Variants in CRPPA observed in about 807,000 individuals in gnomAD.
CRPPA encodes CDP-L-ribitol pyrophosphorylase A.
A neutral mutation model predicts 52.0 loss-of-function variants in CRPPA; 43 were observed. That is an observed-to-expected ratio of 0.83 (90% CI 0.65 to 1.07). CRPPA has a LOEUF of 1.07. CRPPA is among the 50% of genes least tolerant of loss of function. The pLI is 0.00. For missense variants in CRPPA, 629 were observed against 551.7 expected, an observed-to-expected ratio of 1.14 and a Z score of -1.40; for synonymous variants, 250 against 203.5, an observed-to-expected ratio of 1.23 and a Z score of -1.94.
chr7:16,286,987 T>C (rs1237857202), intron 5 of CRPPA, among the ~76,000 whole-genome samples: 1 of 152,180 alleles, frequency 6.6e-6, no homozygotes, highest in Non-Finnish European at 1.5e-5. Flanking sequence ...TAGCCAATAA[T>C]CATTTCAATA....
intron 9 of CRPPA, among the ~76,000 whole-genome samples, chr7:16,135,531 G>A (rs902248006): frequency 1.3e-5 from 2 of 152,090 alleles, no homozygotes; most frequent in African/African-American, 4.8e-5. Context: ...AACACTTAAA[G>A]AAGCAAACAG....
chr7:16,189,344 C>G (rs960932679), intron 9 of CRPPA, among the ~76,000 whole-genome samples: 1 of 152,138 alleles, frequency 6.6e-6, no homozygotes, highest in Non-Finnish European at 1.5e-5. Flanking sequence ...AACCCAATCT[C>G]ATTTGATATT....
chr7:16,383,529 C>G (rs1158981526), intron 2 of CRPPA, among the ~76,000 whole-genome samples: 1 of 152,214 alleles, frequency 6.6e-6, no homozygotes, highest in African/African-American at 2.4e-5. Flanking sequence ...TCAAAGCTGT[C>G]AGACAGGAAC....
chr7:16,207,456 T>A (rs926610012), intron 9 of CRPPA, among the ~76,000 whole-genome samples: 2 of 152,190 alleles, frequency 1.3e-5, no homozygotes, highest in African/African-American at 4.8e-5. Flanking sequence ...TCCAATGGAT[T>A]CCGTTAAACA....
At chr7:16,321,305 T>C (rs1785259851) in intron 3 of CRPPA, among the ~76,000 whole-genome samples, 2 of 152,122 alleles carry the variant, frequency 1.3e-5, no homozygotes, top group Non-Finnish European at 2.9e-5. Context: ...CTTTACCCTA[T>C]CATAACTTAT....
At chr7:16,244,968 TG>T (rs1438873352) in intron 8 of CRPPA, among the ~76,000 whole-genome samples, 2 of 152,124 alleles carry the variant, frequency 1.3e-5, no homozygotes, top group African/African-American at 4.8e-5. Flanking sequence ...AAAACCTACT[TG>T]TTTAGGGAAG....
intron 8 of CRPPA, chr7:16,216,583 C>T (rs914875309): frequency 3.8e-5 from 7 of 185,354 alleles, no homozygotes; most frequent in East Asian, 1.7e-4. Flanking sequence ...AGTGGGTGCG[C>T]GCACCGTGCG....
chr7:16,283,403 T>A (rs1784358492), intron 5 of CRPPA, among the ~76,000 whole-genome samples: 1 of 150,442 alleles, frequency 6.6e-6, no homozygotes. Flanking sequence ...TTTATCTACC[T>A]AGATTCACTA....
At chr7:16,403,596 A>G (rs1787883027) in intron 2 of CRPPA, among the ~76,000 whole-genome samples, 2 of 152,180 alleles carry the variant, frequency 1.3e-5, no homozygotes, top group Admixed American at 1.3e-4. Flanking sequence ...ATCTAAGACA[A>G]CAAAAGGCAA....
intron 3 of CRPPA, among the ~76,000 whole-genome samples, chr7:16,313,138 A>G (rs1785068909): frequency 6.6e-6 from 1 of 151,994 alleles, no homozygotes; most frequent in Non-Finnish European, 1.5e-5. Flanking sequence ...AAAACTATAG[A>G]GTTAGTATAA....
intron 9 of CRPPA, among the ~76,000 whole-genome samples, chr7:16,164,352 G>T (rs1180864582): frequency 6.6e-6 from 1 of 152,096 alleles, no homozygotes; most frequent in Non-Finnish European, 1.5e-5. Flanking sequence ...GCGTTTTTCA[G>T]CTCCATCAGG....
intron 6 of CRPPA, among the ~76,000 whole-genome samples, chr7:16,260,400 A>G (rs1038607596): frequency 1.3e-5 from 2 of 151,998 alleles, no homozygotes; most frequent in Admixed American, 1.3e-4. Flanking sequence ...GTTTCCTACT[A>G]TCAAGGTTCT....
At chr7:16,303,995 G>A (rs1024767319) in intron 4 of CRPPA, among the ~76,000 whole-genome samples, 9 of 152,096 alleles carry the variant, frequency 5.9e-5, no homozygotes, top group Non-Finnish European at 1.0e-4. Context: ...AATCTTGTAT[G>A]GCTTGAAGAT....
rs1781732104 is a variant in CRPPA, at chr7:16,196,304, TC to T, written c.1251+19761del. Reference sequence around the variant, plus strand: ...ACTAGCATATGACAGAGCTAGCAATTCCCACTTCATGTAGCTATCCTAAAGT... The same window carrying T: ...ACTAGCATATGACAGAGCTAGCAATTCCACTTCATGTAGCTATCCTAAAGT... On this transcript the variant is annotated intron_variant, in intron 9 of 9. Transcript: ENST00000407010. 2.6e-5 allele frequency among the ~76,000 whole-genome samples: 4 copies of T among 152,212 alleles called. No homozygotes were observed. The South Asian group carries it at 8.3e-4, about 32-fold the overall frequency.
intron 2 of CRPPA, among the ~76,000 whole-genome samples, chr7:16,388,884 A>G (rs966535111): frequency 1.3e-5 from 2 of 152,232 alleles, no homozygotes; most frequent in Non-Finnish European, 2.9e-5. Context: ...TCAAACCAAC[A>G]AAAACAGTTC....
chr7:16,090,004 G>T lies in CRPPA; in HGVS notation c.*1691C>A, dbSNP rs747675949. On this transcript the variant is annotated 3_prime_UTR_variant, in exon 10 of 10. Coordinates refer to ENST00000407010, the MANE Select transcript of CRPPA (RefSeq NM_001101426.4). Reference sequence around the variant, plus strand: ...TTTTCACCTGATGACTTCAACAGGTGCATGTTGGGGACTTGGCAGCTGTGG... The same window carrying T: ...TTTTCACCTGATGACTTCAACAGGTTCATGTTGGGGACTTGGCAGCTGTGG... The T allele has an allele frequency of 6.5e-6, 1 of 153,276 alleles. No individual in the cohort carries two copies. Among genetic ancestry groups the T allele is most frequent in the South Asian group, 2.0e-4 (1 of 4,896 alleles). The allele number at this position is 153,276 out of a possible 1,614,324, so 9.5% of individuals were successfully genotyped here. A position where few individuals can be genotyped will look rare whatever the true frequency, so the allele number is the denominator to read the frequency against.
intron 1 of CRPPA, among the ~76,000 whole-genome samples, chr7:16,410,126 G>A (rs12537057): frequency 6.6e-6 from 1 of 152,116 alleles, no homozygotes; most frequent in Admixed American, 6.5e-5. Flanking sequence ...TTTGTTTCTA[G>A]GTATTTGACC....
chr7:16,112,888 CT>C (rs568315830), intron 9 of CRPPA, among the ~76,000 whole-genome samples: 150 of 151,812 alleles, frequency 9.9e-4, no homozygotes, highest in Middle Eastern at 6.8e-3. Context: ...TTTTTTTCCC[CT>C]GATGGAATAT....
intron 9 of CRPPA, among the ~76,000 whole-genome samples, chr7:16,145,221 G>A (rs1782951891): frequency 6.6e-6 from 1 of 152,176 alleles, no homozygotes; most frequent in African/African-American, 2.4e-5. Flanking sequence ...AAACCTGAAG[G>A]AAGCTACACT....
Sources: allele counts gnomAD v4.1 joint callset (sites outside exome capture counted in the v4.1 genomes callset), GRCh38; gene constraint gnomAD v4.1.1; transcripts MANE v1.5; gene names NCBI Gene and HGNC (gene_info 2026-07-23, HGNC 2026-07-21).